Variants in SORCS1 observed in about 807,000 individuals in gnomAD.
The protein encoded by SORCS1 is VPS10 domain-containing receptor SorCS1.
In SORCS1, 60 loss-of-function variants were observed where a neutral mutation model predicts 146.1. The observed-to-expected ratio is 0.41, with a 90% CI of 0.33 to 0.51. The LOEUF (loss-of-function observed/expected upper bound fraction) is 0.51. Among genes scored for constraint, SORCS1 ranks in the 20% least tolerant of loss-of-function variants. The pLI is 0.21. For synonymous variants in SORCS1, 637 were observed against 584.0 expected (o/e 1.09, Z -1.31); for missense variants, 1,352 against 1,487.6 (o/e 0.91, Z 1.50).
In SORCS1 at chr10:106,727,306, ATC is replaced by A. The variant is rs568182930; in HGVS notation, c.1024+2742_1024+2743del. 2.1e-3 allele frequency among the ~76,000 whole-genome samples: 315 copies of A among 152,188 alleles called. 1 individual carries two copies. Among genetic ancestry groups the A allele is most frequent in the Middle Eastern group, 6.8e-3 (2 of 294 alleles). On this transcript the variant is annotated intron_variant, in intron 6 of 25. Coordinates refer to ENST00000263054, the MANE Select transcript of SORCS1 (RefSeq NM_052918.5). ...CATCATTCAACATATGCTTAGTGAG[ATC>A]TCTCTACATGTAGATGCCATGGCAT...
intron 1 of SORCS1, 111 bp from the exon 2 acceptor site, chr10:106,956,691 G>C (rs780969371): frequency 4.6e-6 from 4 of 871,784 alleles, no homozygotes; most frequent in Non-Finnish European, 7.2e-6. Context: ...TAACATAATT[G>C]AATGAATTGT....
At chr10:107,178,113 T>C in the SORCS1 span, among the ~76,000 whole-genome samples, 3 of 152,182 alleles carry the variant, frequency 2.0e-5, no homozygotes, top group South Asian at 6.2e-4. Flanking sequence ...CACTTTTACC[T>C]ATGTAACAAA....
intron 18 of SORCS1, among the ~76,000 whole-genome samples, chr10:106,646,855 A>G (rs1849474691): frequency 6.6e-6 from 1 of 151,366 alleles, no homozygotes; most frequent in East Asian, 1.9e-4. Context: ...TAATTTCTCC[A>G]CTGTACTGCA....
In SORCS1 at chr10:106,916,881, C is replaced by G. The variant is rs539070819; in HGVS notation, c.626+39632G>C. 5.3e-5 allele frequency among the ~76,000 whole-genome samples: 8 copies of G among 152,148 alleles called. No individual in the cohort carries two copies. The South Asian group carries it at 1.2e-3, about 24-fold the overall frequency. Reference sequence around the variant, plus strand: ...TCTCCTGCTTCAGCCTCCCAAGTAGCTGGGATTACAGGCATGTGCCACCAT... The same window carrying G: ...TCTCCTGCTTCAGCCTCCCAAGTAGGTGGGATTACAGGCATGTGCCACCAT... On this transcript the variant is annotated intron_variant, in intron 2 of 25. Coordinates refer to ENST00000263054, the MANE Select transcript of SORCS1 (RefSeq NM_052918.5).
intron 18 of SORCS1, among the ~76,000 whole-genome samples, chr10:106,648,052 A>AT (rs1169466163): frequency 2.6e-5 from 4 of 151,698 alleles, no homozygotes; most frequent in East Asian, 1.9e-4. Flanking sequence ...AATTATTTTT[A>AT]TTTTTTTGGT....
intron 6 of SORCS1, among the ~76,000 whole-genome samples, chr10:106,724,232 G>T (rs936845029): frequency 6.6e-6 from 1 of 152,158 alleles, no homozygotes; most frequent in Non-Finnish European, 1.5e-5. Flanking sequence ...TATAAGGCCG[G>T]GCATGGTGGC....
chr10:106,835,126 C>T (rs924940975), intron 2 of SORCS1, among the ~76,000 whole-genome samples: 8 of 152,290 alleles, frequency 5.3e-5, no homozygotes, highest in African/African-American at 1.7e-4. Context: ...ATCCCACCCG[C>T]CTTCCAAGAG....
intron 1 of SORCS1, among the ~76,000 whole-genome samples, chr10:106,975,864 CTGG>C (rs1955969990): frequency 1.3e-5 from 2 of 152,156 alleles, no homozygotes; most frequent in African/African-American, 4.8e-5. Flanking sequence ...AGGCCATCTC[CTGG>C]CTGGGCATGG....
intron 2 of SORCS1, among the ~76,000 whole-genome samples, chr10:106,927,373 C>T (rs1204514866): frequency 1.3e-5 from 2 of 151,838 alleles, no homozygotes; most frequent in Non-Finnish European, 2.9e-5. Flanking sequence ...TCCTTCCTCC[C>T]GGTGGGTTCG....
chr10:107,174,433 C>G, the SORCS1 span, among the ~76,000 whole-genome samples: 1 of 152,128 alleles, frequency 6.6e-6, no homozygotes, highest in Non-Finnish European at 1.5e-5. Context: ...TGGTCTCGAT[C>G]TCCTGACCTC....
At chr10:106,844,591 T>A (rs903926178) in intron 2 of SORCS1, among the ~76,000 whole-genome samples, 16 of 151,964 alleles carry the variant, frequency 1.1e-4, no homozygotes, top group South Asian at 6.2e-4. Context: ...TTATTTTTTT[T>A]AAATTATACT....
intron 2 of SORCS1, among the ~76,000 whole-genome samples, chr10:106,838,050 A>C (rs1413047115): frequency 1.3e-5 from 2 of 152,232 alleles, no homozygotes; most frequent in Admixed American, 6.5e-5. Context: ...CCCTGGGCAC[A>C]GTAGGCACTA....
intron 1 of SORCS1, among the ~76,000 whole-genome samples, chr10:106,994,063 C>CAAAAAAAAA (rs67408221): frequency 6.4e-4 from 52 of 80,776 alleles, no homozygotes; most frequent in East Asian, 2.6e-3. Context: ...GACCCCATCT[C>CAAAAAAAAA]AAAAAAAAAA....
chr10:106,740,263 C>G (rs1026023360), intron 5 of SORCS1, among the ~76,000 whole-genome samples: 3 of 152,114 alleles, frequency 2.0e-5, no homozygotes, highest in Non-Finnish European at 2.9e-5. Context: ...CCAATTACCC[C>G]CCTAGGGTGT....
chr10:107,160,785 A>G (rs1969643664), intron 1 of SORCS1, among the ~76,000 whole-genome samples: 2 of 152,252 alleles, frequency 1.3e-5, no homozygotes, highest in African/African-American at 4.8e-5. Context: ...ATAAAGATTA[A>G]TGCTACAGCA....
At chr10:106,581,314 G>A (rs1328436944) in intron 24 of SORCS1, among the ~76,000 whole-genome samples, 3 of 134,876 alleles carry the variant, frequency 2.2e-5, no homozygotes, top group Admixed American at 7.6e-5. Context: ...AACCTGAATC[G>A]TCATACATAC....
intron 20 of SORCS1, among the ~76,000 whole-genome samples, chr10:106,619,819 G>A (rs891252083): frequency 2.0e-5 from 3 of 152,178 alleles, no homozygotes; most frequent in Non-Finnish European, 4.4e-5. Flanking sequence ...ATTTAAAATT[G>A]CCACTGACTT....
At chr10:107,018,772 G>A (rs1471316941) in intron 1 of SORCS1, among the ~76,000 whole-genome samples, 3 of 152,098 alleles carry the variant, frequency 2.0e-5, no homozygotes, top group African/African-American at 7.2e-5. Flanking sequence ...AGGGGTGATG[G>A]TTTTATAGAA....
chr10:106,942,313 T>G (rs1954084506), intron 2 of SORCS1, among the ~76,000 whole-genome samples: 3 of 152,160 alleles, frequency 2.0e-5, no homozygotes, highest in Admixed American at 2.0e-4. Flanking sequence ...TTCCCTTTCT[T>G]CTTTCTCTAT....
Sources: allele counts gnomAD v4.1 joint callset (sites outside exome capture counted in the v4.1 genomes callset), GRCh38; gene constraint gnomAD v4.1.1; transcripts MANE v1.5; gene names NCBI Gene and HGNC (gene_info 2026-07-23, HGNC 2026-07-21).